Variants in SGSM3 observed in about 807,000 individuals in gnomAD.
The protein encoded by SGSM3 is RUN and SH3 containing 3.
A neutral mutation model predicts 100.5 loss-of-function variants in SGSM3; 96 were observed. The ratio of observed to expected loss-of-function variants is 0.96; its 90% CI spans 0.81 to 1.13. The LOEUF (loss-of-function observed/expected upper bound fraction) is 1.13, where lower values mean the gene tolerates loss of function less well. SGSM3 is among the 50% of genes most tolerant of loss of function. The probability of loss-of-function intolerance (pLI) is 0.00; values close to 1 mark genes in which losing one functional copy is unlikely to be tolerated. For synonymous variants in SGSM3, 483 were observed against 422.8 expected (o/e 1.14, Z -1.75); for missense variants, 1,001 against 1,015.8 (o/e 0.99, Z 0.20).
chr22:40,410,158 C>A lies in SGSM3; in HGVS notation c.*399C>A. On this transcript the variant is annotated 3_prime_UTR_variant, in exon 22 of 22. Coordinates refer to ENST00000248929, the MANE Select transcript of SGSM3 (RefSeq NM_015705.6). The stretch of plus-strand genomic sequence containing the variant: ...TAGGGCTGCAGAGCTGTATTCAGGT[C>A]CAAGGTTCTGCCCTTCCTTGAGTGG... 1 of 1,098,476 alleles carries A rather than the reference C, an allele frequency of 9.1e-7. No individual in the cohort carries two copies. The highest frequency in any genetic ancestry group is 1.1e-6 in the Non-Finnish European group (1 of 902,846). The allele number at this position is 1,098,476 out of a possible 1,614,324, so 68.0% of individuals were successfully genotyped here.
Position 40,407,171 on chromosome 22 carries a change from G to A in SGSM3, c.1241-30G>A. On this transcript the variant is annotated intron_variant, in intron 11 of 21. Coordinates refer to ENST00000248929, the MANE Select transcript of SGSM3 (RefSeq NM_015705.6). The surrounding 1 kb of genome is among the most constrained non-coding windows in gnomAD (Gnocchi z 4.7). ...CCTCCTCGGGGGCCTGGAGTGGGCT[G>A]TGGTCACCATGGTTCTCTGGGCCTC... 6.2e-7 allele frequency: 1 copy of A among 1,613,162 alleles called. No individual in the cohort carries two copies. The highest frequency in any genetic ancestry group is 1.7e-5 in the Admixed American group (1 of 60,000).
chr22:40,408,732 A>G (rs2052061358), intron 17 of SGSM3, 35 bp downstream of exon 17: 2 of 1,613,908 alleles, frequency 1.2e-6, no homozygotes, highest in Middle Eastern at 1.7e-4. Flanking sequence ...TGGGGTCACC[A>G]GCAGTGGGAG....
chr22:40,403,296 G>A (rs1269864257), intron 4 of SGSM3, among the ~76,000 whole-genome samples: 8 of 152,212 alleles, frequency 5.3e-5, no homozygotes, highest in Non-Finnish European at 1.2e-4. Context: ...GAGGCTGTCT[G>A]TGGAGCTCAC....
In SGSM3 at chr22:40,408,847, G is replaced by A. The variant is rs1569229692; in HGVS notation, c.1902+5G>A. On this transcript the variant is annotated splice_donor_5th_base_variant and intron_variant, in intron 18 of 21. Coordinates refer to ENST00000248929, the MANE Select transcript of SGSM3 (RefSeq NM_015705.6). ...CCGGAGGAGCTGCTCTACCGGGTAA[G>A]GGGGCCTCCTCTGCCAGACCCTAGA... 2 of 1,613,906 alleles carry A rather than the reference G, an allele frequency of 1.2e-6. No homozygotes were observed. Among genetic ancestry groups the A allele is most frequent in the Non-Finnish European group, 8.5e-7 (1 of 1,180,028 alleles).
At chr22:40,405,617 G>A (rs1027305917) in intron 7 of SGSM3, 32 bp from the exon 8 acceptor site, 4 of 1,593,154 alleles carry the variant, frequency 2.5e-6, no homozygotes, top group Non-Finnish European at 2.6e-6. Flanking sequence ...AAAGACCTGG[G>A]TAGAAGGCCC....
intron 6 of SGSM3, 90 bp downstream of exon 6, chr22:40,404,754 CTTG>C (rs2051226098): frequency 1.1e-6 from 1 of 912,524 alleles, no homozygotes; most frequent in Admixed American, 2.0e-5. Flanking sequence ...AGAGTGTGCC[CTTG>C]TTGTGGGGTA....
At chr22:40,394,681 C>T (rs1410295824) in intron 1 of SGSM3, among the ~76,000 whole-genome samples, 2 of 151,316 alleles carry the variant, frequency 1.3e-5, no homozygotes, top group African/African-American at 4.9e-5. Flanking sequence ...CAGTTTTTGC[C>T]ATGGCTAGAA....
In SGSM3 at chr22:40,402,225, G is replaced by C. The variant is rs376633908; in HGVS notation, c.157+20G>C. The C allele has an allele frequency of 6.3e-7, 1 of 1,596,678 alleles. No individual in the cohort carries two copies. The highest frequency in any genetic ancestry group is 8.6e-7 in the Non-Finnish European group (1 of 1,163,956). ...AGGAAGGTAAACTTGAGCCCCTTTT[G>C]TGTGTCATCTTGCTGATGTTCTTTG... is the stretch of plus-strand genomic sequence containing the variant. On this transcript the variant is annotated intron_variant, in intron 4 of 21. Coordinates refer to ENST00000248929, the MANE Select transcript of SGSM3 (RefSeq NM_015705.6).
intron 15 of SGSM3, 65 bp from the exon 16 acceptor site, chr22:40,408,212 G>A: frequency 6.2e-7 from 1 of 1,607,894 alleles, no homozygotes; most frequent in Non-Finnish European, 8.5e-7. Context: ...TGGCAGAGAG[G>A]ACAGAGGAGG....
intron 1 of SGSM3, chr22:40,390,530 C>T (rs1396279037): frequency 1.3e-5 from 2 of 152,164 alleles, no homozygotes; most frequent in East Asian, 1.9e-4. Context: ...TAGGGAGTTA[C>T]GTTGTATATA....
Position 40,405,812 on chromosome 22 carries a change from G to A in SGSM3, c.782G>A (p.Arg261His), listed in dbSNP as rs555539426. The A allele has an allele frequency of 9.3e-6, 15 of 1,612,822 alleles. No homozygotes were observed. The highest frequency in any genetic ancestry group is 1.7e-4 in the Middle Eastern group (1 of 6,052). Residue 261 changes from arginine (R) to histidine (H), a missense_variant, in exon 8 of 22, where the codon CGC becomes CAC. By Grantham distance (29) the Arg-to-His change is conservative. Coordinates refer to ENST00000248929, the MANE Select transcript of SGSM3 (RefSeq NM_015705.6). The stretch of plus-strand genomic sequence containing the variant: ...CACCTCATTGTCCAGTACCTGCCTC[G>A]CCTGGACAAGCTGCTCCAGGAGCAT... ...LRHLIVQYLP[R>H]LDKLLQEHDI...
rs1602176047 is a variant in SGSM3, at chr22:40,410,082, A to G, written c.*323A>G. 2.4e-6 allele frequency: 3 copies of G among 1,226,850 alleles called. No individual in the cohort carries two copies. Among genetic ancestry groups the G allele is most frequent in the East Asian group, 3.7e-5 (1 of 27,050 alleles). 76.0% of individuals were successfully genotyped at this position (1,226,850 alleles called of 1,614,324 possible). The stretch of plus-strand genomic sequence containing the variant: ...TAGGCTCCTGGCCTCTTTGGTTTAT[A>G]AATAAACTGTGTCTGTCTTTGAGAA... On this transcript the variant is annotated 3_prime_UTR_variant, in exon 22 of 22. Transcript: ENST00000248929.
intron 1 of SGSM3, among the ~76,000 whole-genome samples, chr22:40,391,457 G>T (rs1424444265): frequency 6.6e-6 from 1 of 152,080 alleles, no homozygotes; most frequent in East Asian, 1.9e-4. Context: ...AAAAATAAAA[G>T]AAAATTAGCC....
At chr22:40,406,280 G>A (rs889348556) in intron 9 of SGSM3, 57 bp downstream of exon 9, 2 of 1,603,378 alleles carry the variant, frequency 1.2e-6, no homozygotes, top group African/African-American at 1.3e-5. Flanking sequence ...GGGGGCAGGG[G>A]AGCAAGAGAC....
intron 1 of SGSM3, among the ~76,000 whole-genome samples, chr22:40,385,092 C>T (rs1406518019): frequency 6.6e-6 from 1 of 152,158 alleles, no homozygotes; most frequent in African/African-American, 2.4e-5. Flanking sequence ...AGTCATTGAA[C>T]AGTTCAAGAA....
At chr22:40,372,895 T>C (rs1208184991) in intron 1 of SGSM3, 2 of 152,268 alleles carry the variant, frequency 1.3e-5, no homozygotes, top group African/African-American at 2.4e-5. Flanking sequence ...TAGCCTGTTA[T>C]TCAGCTGGTG....
chr22:40,409,348 G>A lies in SGSM3; in HGVS notation c.2087G>A (p.Trp696Ter). The A allele has an allele frequency of 6.2e-7, 1 of 1,610,348 alleles. No individual in the cohort carries two copies. The highest frequency in any genetic ancestry group is 8.5e-7 in the Non-Finnish European group (1 of 1,177,988). The change falls in exon 20 of 22, where the codon TGG becomes TAG. Residue 696 changes from tryptophan to a stop codon, truncating the protein, a stop_gained. Coordinates refer to ENST00000248929, the MANE Select transcript of SGSM3 (RefSeq NM_015705.6). LOFTEE classifies it high-confidence loss of function. ...TGGTCCTTCCTGCGCAGCCCGGGCTGGGTCCAGATCAAGTGTGAGCTCCGG... is the reference window on the plus strand; with the variant it reads ...TGGTCCTTCCTGCGCAGCCCGGGCTAGGTCCAGATCAAGTGTGAGCTCCGG... ...QPWSFLRSPG[W>*]VQIKCELRVL...
Position 40,410,067 on chromosome 22 carries a change from G to A in SGSM3, c.*308G>A. 1 of 1,264,196 alleles carries A rather than the reference G, an allele frequency of 7.9e-7. No homozygotes were observed. The highest frequency in any genetic ancestry group is 1.0e-6 in the Non-Finnish European group (1 of 1,004,786). The allele number at this position is 1,264,196 out of a possible 1,614,324, so 78.3% of individuals were successfully genotyped here. A position where few individuals can be genotyped will look rare whatever the true frequency, so the allele number is the denominator to read the frequency against. ...GATGGGGGTGGCTAGTAGGCTCCTG[G>A]CCTCTTTGGTTTATAAATAAACTGT... On this transcript the variant is annotated 3_prime_UTR_variant, in exon 22 of 22. Coordinates refer to ENST00000248929, the MANE Select transcript of SGSM3 (RefSeq NM_015705.6).
At chr22:40,391,389 C>G (rs1483650017) in intron 1 of SGSM3, among the ~76,000 whole-genome samples, 1 of 152,176 alleles carries the variant, frequency 6.6e-6, no homozygotes, top group Non-Finnish European at 1.5e-5. Context: ...AGGAGGATGC[C>G]TTGAGCCCAG....
Sources: allele counts gnomAD v4.1 joint callset (sites outside exome capture counted in the v4.1 genomes callset), GRCh38; gene constraint gnomAD v4.1.1; non-coding constraint Gnocchi (gnomAD v3.1); transcripts MANE v1.5; gene names NCBI Gene and HGNC (gene_info 2026-07-23, HGNC 2026-07-21).